MYO16: variants seen among roughly 807,000 people sequenced by gnomAD.
MYO16 encodes myosin XVI.
A neutral mutation model predicts 205.3 loss-of-function variants in MYO16; 94 were observed. That is an observed-to-expected ratio of 0.46 (90% confidence interval 0.39 to 0.54). The LOEUF (loss-of-function observed/expected upper bound fraction) is 0.54. Ranked by LOEUF, MYO16 falls within the 20% of genes least tolerant of loss-of-function variation. The pLI is 0.00. For missense variants in MYO16, 2,315 were observed against 2,387.5 expected, an observed-to-expected ratio of 0.97 and a Z score of 0.63; for synonymous variants, 988 against 954.0, an observed-to-expected ratio of 1.04 and a Z score of -0.66.
intron 1 of MYO16, among the ~76,000 whole-genome samples, chr13:108,597,418 T>A (rs1054229298): frequency 6.6e-6 from 1 of 152,116 alleles, no homozygotes; most frequent in African/African-American, 2.4e-5. Flanking sequence ...AGTCTGAAAT[T>A]TTTTTTAGAT....
chr13:108,834,907 C>T (rs1876820996), intron 9 of MYO16, among the ~76,000 whole-genome samples: 2 of 151,804 alleles, frequency 1.3e-5, no homozygotes, highest in East Asian at 1.9e-4. Flanking sequence ...TATTATTAAT[C>T]ACAGTGATTA....
chr13:108,948,995 GT>G (rs1257940296), intron 16 of MYO16, among the ~76,000 whole-genome samples: 7 of 152,294 alleles, frequency 4.6e-5, no homozygotes, highest in African/African-American at 1.4e-4. Flanking sequence ...AAACAAGTTG[GT>G]TAAATGGATG....
chr13:108,680,967 T>C (rs1186673887), intron 2 of MYO16, among the ~76,000 whole-genome samples: 4 of 152,260 alleles, frequency 2.6e-5, no homozygotes, highest in South Asian at 2.1e-4. Context: ...GTCAAACATG[T>C]CAAATGTCCT....
Position 109,162,538 on chromosome 13 carries a change from C to G in MYO16, c.5165-2363C>G, listed in dbSNP as rs566685815. Among the ~76,000 whole-genome samples the G allele has an allele frequency of 6.6e-6, 1 of 152,268 alleles. No homozygotes were observed. Among genetic ancestry groups the G allele is most frequent in the East Asian group, 1.9e-4 (1 of 5,164 alleles). ...GGACCTCACCCACCTTGCCTGGCTG[C>G]CCACCAGTGTTTTCCACTTACTAGG... On this transcript the variant is annotated intron_variant, in intron 32 of 34. Coordinates refer to ENST00000457511, the MANE Select transcript of MYO16 (RefSeq NM_001198950.3). This position sits in a 1 kb window ranked among gnomAD's most constrained non-coding sequence, Gnocchi z 4.6.
chr13:108,901,096 TCTCAAACC>T (rs1296506160), intron 15 of MYO16, among the ~76,000 whole-genome samples: 2 of 152,148 alleles, frequency 1.3e-5, no homozygotes, highest in Non-Finnish European at 2.9e-5. Context: ...GGTTGTCTGC[TCTCAAACC>T]CTGTTTCCTG....
intron 18 of MYO16, 146 bp from the exon 19 acceptor site, chr13:108,962,278 G>A (rs1259028363): frequency 3.3e-6 from 2 of 611,630 alleles, no homozygotes; most frequent in Non-Finnish European, 5.6e-6. Flanking sequence ...AGTTGAATTT[G>A]ACAATTACAG....
intron 10 of MYO16, among the ~76,000 whole-genome samples, chr13:108,845,323 C>T (rs1050068135): frequency 2.0e-5 from 3 of 152,164 alleles, no homozygotes; most frequent in Non-Finnish European, 4.4e-5. Context: ...GCTGCCATGA[C>T]AAAACACCAC....
At chr13:108,714,113 G>A (rs1594233484) in intron 3 of MYO16, among the ~76,000 whole-genome samples, 1 of 152,128 alleles carries the variant, frequency 6.6e-6, no homozygotes, top group Non-Finnish European at 1.5e-5. Context: ...CTGGAGTGCA[G>A]TGGTGCAATC....
At chr13:108,950,189 T>C (rs1883090503) in intron 16 of MYO16, among the ~76,000 whole-genome samples, 1 of 152,082 alleles carries the variant, frequency 6.6e-6, no homozygotes, top group South Asian at 2.1e-4. Context: ...AATTGATAAA[T>C]TATATGACAT....
chr13:108,620,716 C>T (rs527876369), intron 1 of MYO16, among the ~76,000 whole-genome samples: 38 of 152,320 alleles, frequency 2.5e-4, no homozygotes, highest in African/African-American at 8.7e-4. Flanking sequence ...GTCCACTTCC[C>T]ACTTGTCACT....
intron 11 of MYO16, among the ~76,000 whole-genome samples, chr13:108,858,759 C>A (rs1485745397): frequency 6.6e-6 from 1 of 152,162 alleles, no homozygotes; most frequent in Admixed American, 6.5e-5. Context: ...CACTTCTCTG[C>A]TAAAAAGATG....
chr13:108,861,378 A>G (rs1878443142), intron 11 of MYO16, among the ~76,000 whole-genome samples: 1 of 152,236 alleles, frequency 6.6e-6, no homozygotes, highest in Non-Finnish European at 1.5e-5. Context: ...GTTTATGTAC[A>G]ATAAACTACT....
intron 16 of MYO16, among the ~76,000 whole-genome samples, chr13:108,910,657 T>C (rs1353262489): frequency 6.6e-6 from 1 of 152,194 alleles, no homozygotes; most frequent in African/African-American, 2.4e-5. Flanking sequence ...ACAGGCTGTA[T>C]AGACAGTGAG....
At chr13:108,675,605 A>C (rs1882169240) in intron 2 of MYO16, among the ~76,000 whole-genome samples, 1 of 152,214 alleles carries the variant, frequency 6.6e-6, no homozygotes, top group Admixed American at 6.5e-5. Context: ...TGCACCATTC[A>C]TTAAAAGGGA....
intron 28 of MYO16, among the ~76,000 whole-genome samples, chr13:109,114,079 CTGGGG>C (rs1371473025): frequency 4.1e-4 from 63 of 152,246 alleles, no homozygotes; most frequent in African/African-American, 1.4e-3. Context: ...TAACTTTTCA[CTGGGG>C]AGCAGCAACA....
chr13:109,073,723 A>G (rs1888000103), intron 27 of MYO16, among the ~76,000 whole-genome samples: 1 of 152,222 alleles, frequency 6.6e-6, no homozygotes, highest in East Asian at 1.9e-4. Flanking sequence ...GCTCTTCAGC[A>G]TATCCTAGTG....
At chr13:108,971,349 T>TTATATATATATA (rs60564701) in intron 20 of MYO16, among the ~76,000 whole-genome samples, 384 of 144,246 alleles carry the variant, frequency 2.7e-3, no homozygotes, top group Middle Eastern at 7.4e-3. Context: ...TGTGTGTTGA[T>TTATATATATATA]TATATATATA....
At chr13:108,640,689 T>C (rs1880467152) in intron 1 of MYO16, among the ~76,000 whole-genome samples, 1 of 150,060 alleles carries the variant, frequency 6.7e-6, no homozygotes, top group Non-Finnish European at 1.5e-5. Flanking sequence ...ATTTACAGAG[T>C]GAACCAAAAA....
At chr13:109,023,227 A>G (rs1391197350) in intron 23 of MYO16, among the ~76,000 whole-genome samples, 2 of 112,488 alleles carry the variant, frequency 1.8e-5, no homozygotes, top group Non-Finnish European at 1.7e-5. Context: ...ATATTTATAT[A>G]TTATACAGAT....
Sources: gnomAD v4.1 joint callset for allele counts (sites outside exome capture counted in the v4.1 genomes callset) on GRCh38, gnomAD v4.1.1 for gene constraint, Gnocchi (gnomAD v3.1) non-coding constraint, MANE v1.5 for transcripts, NCBI Gene and HGNC (gene_info 2026-07-23, HGNC 2026-07-21) for gene names.